AGXT2: variants seen among roughly 807,000 people sequenced by gnomAD.
AGXT2 encodes the protein alanine--glyoxylate aminotransferase 2.
In AGXT2, 61 loss-of-function variants were observed where a neutral mutation model predicts 62.5. The ratio of observed to expected loss-of-function variants is 0.98; its 90% confidence interval spans 0.79 to 1.21. AGXT2 has a LOEUF of 1.21. AGXT2 is among the 50% of genes most tolerant of loss of function. AGXT2 has a pLI of 0.00. For synonymous variants in AGXT2, 243 were observed against 218.7 expected (o/e 1.11, Z -0.98); for missense variants, 666 against 641.5 (o/e 1.04, Z -0.41).
rs59503308 is a variant in AGXT2, at chr5:35,003,662, C to T, written c.1437+101G>A. On this transcript the variant is annotated intron_variant, in intron 13 of 13. Coordinates refer to ENST00000231420, the MANE Select transcript of AGXT2 (RefSeq NM_031900.4). ...ACAGTTGTGTAAAAACTGCAACCAGCATTAGGACATCTTCACAGCTGTGAA... is the reference window on the plus strand; with the variant it reads ...ACAGTTGTGTAAAAACTGCAACCAGTATTAGGACATCTTCACAGCTGTGAA... The T allele has an allele frequency of 5.4e-3, 6,271 of 1,161,460 alleles. 218 individuals are homozygous for T. In the African/African-American group the frequency reaches 0.084, roughly 16 times the overall value. The allele number at this position is 1,161,460 out of a possible 1,614,324, so 71.9% of individuals were successfully genotyped here.
At chr5:35,028,684 C>T (rs1767459107) in intron 7 of AGXT2, among the ~76,000 whole-genome samples, 1 of 151,192 alleles carries the variant, frequency 6.6e-6, no homozygotes, top group South Asian at 2.1e-4. Context: ...ACTGAATCTT[C>T]AGAATTTTTA....
intron 9 of AGXT2, among the ~76,000 whole-genome samples, chr5:35,018,484 G>T (rs1021102769): frequency 2.0e-5 from 3 of 152,036 alleles, no homozygotes; most frequent in African/African-American, 7.3e-5. Flanking sequence ...AGCTTCATAA[G>T]TGAAAGAGAA....
In AGXT2 at chr5:35,020,894, T is replaced by G. The variant is rs1018239702; in HGVS notation, c.963+4869A>C. ...GCAAAGTCTCAGGATACAAAATCAA[T>G]GTACAAAAATCACAAGCATTCTTAT... On this transcript the variant is annotated intron_variant, in intron 9 of 13. Coordinates refer to ENST00000231420, the MANE Select transcript of AGXT2 (RefSeq NM_031900.4). Among the ~76,000 whole-genome samples, 165 of 152,214 alleles carry G rather than the reference T, an allele frequency of 1.1e-3. 1 individual carries two copies. The highest frequency in any genetic ancestry group is 3.9e-3 in the African/African-American group (162 of 41,536).
At chr5:35,017,894 G>GA (rs1468121900) in intron 9 of AGXT2, among the ~76,000 whole-genome samples, 2 of 152,204 alleles carry the variant, frequency 1.3e-5, no homozygotes, top group Non-Finnish European at 2.9e-5. Flanking sequence ...TGATGGAGCT[G>GA]AAAACCAAGG....
chr5:35,014,197 T>C, intron 9 of AGXT2, 78 bp from the exon 10 acceptor site: 3 of 1,589,612 alleles, frequency 1.9e-6, no homozygotes, highest in Non-Finnish European at 2.6e-6. Context: ...CTCACACCTG[T>C]AATCCCAGCA....
chr5:35,043,081 C>T (rs567902802), intron 1 of AGXT2, among the ~76,000 whole-genome samples: 1 of 152,296 alleles, frequency 6.6e-6, no homozygotes, highest in African/African-American at 2.4e-5. Context: ...CTAATTCTCA[C>T]AGAGTTCTAT....
At chr5:35,016,109 C>G (rs140922097) in intron 9 of AGXT2, among the ~76,000 whole-genome samples, 1 of 152,080 alleles carries the variant, frequency 6.6e-6, no homozygotes, top group Non-Finnish European at 1.5e-5. Flanking sequence ...GGATAATGTA[C>G]GAGGAGCTCG....
intron 11 of AGXT2, 86 bp downstream of exon 11, chr5:35,012,868 G>T: frequency 2.5e-6 from 3 of 1,186,224 alleles, no homozygotes; most frequent in Non-Finnish European, 3.7e-6. Context: ...TAACAACTCA[G>T]CATGATAGAG....
chr5:35,028,613 GAGAGAGAAA>G (rs747750552), intron 7 of AGXT2, among the ~76,000 whole-genome samples: 7,445 of 48,548 alleles, frequency 0.15, 1,297 homozygotes, highest in Non-Finnish European at 0.2. Flanking sequence ...GAGAGAGAGA[GAGAGAGAAA>G]TTCTTCTACT....
At chr5:35,024,503 A>C (rs1767244469) in intron 9 of AGXT2, among the ~76,000 whole-genome samples, 1 of 152,218 alleles carries the variant, frequency 6.6e-6, no homozygotes, top group Non-Finnish European at 1.5e-5. Flanking sequence ...TCACATAGCC[A>C]ACGAATTTTC....
chr5:35,011,281 G>A (rs1469497528), intron 11 of AGXT2, among the ~76,000 whole-genome samples: 5 of 152,004 alleles, frequency 3.3e-5, no homozygotes, highest in Non-Finnish European at 5.9e-5. Flanking sequence ...CCAACATGGT[G>A]AAACCCCATC....
At chr5:35,041,189 G>C (rs913866791) in intron 1 of AGXT2, among the ~76,000 whole-genome samples, 1 of 85,984 alleles carries the variant, frequency 1.2e-5, no homozygotes, top group Non-Finnish European at 2.1e-5. Flanking sequence ...ATAAATACAT[G>C]CAAATAGACC....
At position 35,012,993 on chromosome 5, in the gene AGXT2, C is replaced by G; in HGVS notation, c.1149G>C (p.Gly383=). 1 of 1,551,686 alleles carries G rather than the reference C, an allele frequency of 6.4e-7. No homozygotes were observed. Among genetic ancestry groups the G allele is most frequent in the Non-Finnish European group, 8.7e-7 (1 of 1,146,992 alleles). ...ATCCAATGGCACAGGCCATGGGGTT[C>G]CCTCCAAAGGTGTTGAAGTGCTGCA... ...KCLQHFNTFG[G]NPMACAIGSA... Residue 383 remains glycine (G), a synonymous_variant, in exon 11 of 14, where the codon GGG becomes GGC. Coordinates refer to ENST00000231420, the MANE Select transcript of AGXT2 (RefSeq NM_031900.4).
At chr5:35,012,642 G>T in intron 11 of AGXT2, 1 of 363,562 alleles carries the variant, frequency 2.8e-6, no homozygotes, top group Non-Finnish European at 5.2e-6. Context: ...CTAAATACAA[G>T]GATAGCAGTT....
At chr5:35,045,777 T>TC (rs1352623830) in intron 1 of AGXT2, among the ~76,000 whole-genome samples, 1 of 143,648 alleles carries the variant, frequency 7.0e-6, no homozygotes, top group African/African-American at 2.6e-5. Context: ...TTTTTTTTTT[T>TC]TTTTTTTTGA....
chr5:35,047,788 C>A lies in AGXT2; in HGVS notation c.88+17G>T, dbSNP rs748609769. The A allele has an allele frequency of 8.7e-6, 14 of 1,613,628 alleles. 1 individual carries two copies. The Middle Eastern group carries it at 6.6e-4, about 76-fold the overall frequency. ...GCTGATCCTCTACTGACCCACGTCCCCCTGGTTTCCACTTACGGCTCAGGA... is the reference window on the plus strand; with the variant it reads ...GCTGATCCTCTACTGACCCACGTCCACCTGGTTTCCACTTACGGCTCAGGA... On this transcript the variant is annotated intron_variant, in intron 1 of 13. Transcript: ENST00000231420.
chr5:34,999,821 A>G (rs779297245), intron 13 of AGXT2, among the ~76,000 whole-genome samples: 2 of 152,164 alleles, frequency 1.3e-5, no homozygotes, highest in Non-Finnish European at 2.9e-5. Flanking sequence ...CTCAGAGAAC[A>G]AGGTGTATTT....
intron 10 of AGXT2, among the ~76,000 whole-genome samples, chr5:35,013,365 C>T (rs1464986195): frequency 6.6e-6 from 1 of 152,212 alleles, no homozygotes; most frequent in Admixed American, 6.5e-5. Context: ...GACACCAGAG[C>T]CCTCTCCCAC....
intron 7 of AGXT2, among the ~76,000 whole-genome samples, chr5:35,028,291 T>A (rs2112250214): frequency 6.6e-6 from 1 of 152,332 alleles, no homozygotes; most frequent in East Asian, 1.9e-4. Context: ...CAGGCTATCA[T>A]GTTACCAGTA....
Sources: gnomAD v4.1 joint callset for allele counts (sites outside exome capture counted in the v4.1 genomes callset) on GRCh38, gnomAD v4.1.1 for gene constraint, MANE v1.5 for transcripts, NCBI Gene and HGNC (gene_info 2026-07-23, HGNC 2026-07-21) for gene names.